DBN1: variants seen among roughly 807,000 people sequenced by gnomAD.
DBN1 encodes drebrin.
Under a neutral mutation model 83.5 loss-of-function variants are expected in DBN1, and 21 were observed. The ratio of observed to expected loss-of-function variants is 0.25; its 90% CI spans 0.18 to 0.36. The LOEUF (loss-of-function observed/expected upper bound fraction) is 0.36. DBN1 is among the 10% of genes least tolerant of loss of function. DBN1 has a pLI of 1.00. For missense variants in DBN1, 874 were observed against 935.7 expected (o/e 0.93, Z 0.86); for synonymous variants, 381 against 384.9 (o/e 0.99, Z 0.12).
chr5:177,467,099 C>A lies in DBN1; in HGVS notation c.556-37G>T. 6.2e-7 allele frequency: 1 copy of A among 1,612,674 alleles called. No homozygotes were observed. Among genetic ancestry groups the A allele is most frequent in the East Asian group, 2.2e-5 (1 of 44,866 alleles). On this transcript the variant is annotated intron_variant, in intron 6 of 14. Transcript: ENST00000393565. The surrounding 1 kb of genome is among the most constrained non-coding windows in gnomAD (Gnocchi z 9.1). ...GGTGCGAACAAGGGTAGGCCCCGAG[C>A]CTAGGCGCCTGGACCCTGCCCCTCC...
chr5:177,457,937 C>T (rs1483708885), intron 13 of DBN1, 121 bp downstream of exon 13: 1 of 1,442,248 alleles, frequency 6.9e-7, no homozygotes, highest in African/African-American at 1.4e-5. Flanking sequence ...GATGGACTTC[C>T]CCTCAAATAA....
Position 177,458,680 on chromosome 5 carries a change from T to C in DBN1, c.1292A>G (p.Asp431Gly). The change falls in exon 13 of 15, where the codon GAC becomes GGC. Residue 431 changes from aspartate (D) to glycine (G), a missense_variant. Around this residue, in one of 4 missense-constraint regions of DBN1, gnomAD observed 725 missense variants for 719.7 expected, o/e 1.01. Transcript: ENST00000393565. ...QETQEPSPIL[D>G]SEETRAAAPQ... ...GGCTGCTGCTCTGGTCTCCTCACTG[T>C]CTAGGATGGGGCTGGGCTCCTGGGT... is the stretch of plus-strand genomic sequence containing the variant. 6.5e-7 allele frequency: 1 copy of C among 1,546,520 alleles called. No homozygotes were observed. Among genetic ancestry groups the C allele is most frequent in the Non-Finnish European group, 8.7e-7 (1 of 1,150,902 alleles).
Position 177,466,209 on chromosome 5 carries a change from T to G in DBN1, c.771+563A>C, listed in dbSNP as rs1757432082. 6.6e-6 allele frequency among the ~76,000 whole-genome samples: 1 copy of G among 152,172 alleles called. No individual in the cohort carries two copies. The highest frequency in any genetic ancestry group is 1.5e-5 in the Non-Finnish European group (1 of 68,036). On this transcript the variant is annotated intron_variant, in intron 8 of 14. Transcript: ENST00000393565. The surrounding 1 kb of genome is among the most constrained non-coding windows in gnomAD (Gnocchi z 4.8). ...AGCCATGCTCAGTCCTGAATGACAT[T>G]AGCTATTTCCAAAATACTAAATTCA...
In DBN1 at chr5:177,467,985, C is replaced by T. The variant is rs917615821; in HGVS notation, c.255+123G>A. On this transcript the variant is annotated intron_variant, in intron 3 of 14. Coordinates refer to ENST00000393565, the MANE Select transcript of DBN1 (RefSeq NM_001363541.2). This position sits in a 1 kb window ranked among gnomAD's most constrained non-coding sequence, Gnocchi z 9.1. ...GGCCTTCAGTTCCCTTCCCCAGCCC[C>T]GGCCGCATACCCAGTTGATGAGCAG... 1 of 1,093,968 alleles carries T rather than the reference C, an allele frequency of 9.1e-7. No homozygotes were observed. The highest frequency in any genetic ancestry group is 1.4e-6 in the Non-Finnish European group (1 of 731,772). 67.8% of individuals were successfully genotyped at this position (1,093,968 alleles called of 1,614,324 possible).
intron 8 of DBN1, among the ~76,000 whole-genome samples, chr5:177,463,015 A>G (rs1338049892): frequency 6.6e-6 from 1 of 151,786 alleles, no homozygotes; most frequent in Admixed American, 6.6e-5. Context: ...TTGTTCAAAG[A>G]AAGGACCAGA....
At chr5:177,472,659 T>C in intron 1 of DBN1, 2 of 524,006 alleles carry the variant, frequency 3.8e-6, no homozygotes, top group South Asian at 3.5e-5. Context: ...CCCTCCACAC[T>C]TGTTCTCCAG....
chr5:177,468,671 C>T (rs1048008237), intron 2 of DBN1, 173 bp downstream of exon 2: 1 of 444,864 alleles, frequency 2.2e-6, no homozygotes, highest in Non-Finnish European at 4.0e-6. Context: ...TCTGAGATTC[C>T]TCCCCACCCT....
At chr5:177,459,300 G>A (rs1349656769) in intron 11 of DBN1, 32 bp from the exon 12 acceptor site, 14 of 1,593,674 alleles carry the variant, frequency 8.8e-6, no homozygotes, top group Admixed American at 1.7e-5. Flanking sequence ...GGTCAGTGAG[G>A]GCGGGGGAGC....
Position 177,458,242 on chromosome 5 carries a change from A to C in DBN1, c.1730T>G (p.Leu577Arg). The C allele has an allele frequency of 6.2e-7, 1 of 1,613,634 alleles. No homozygotes were observed. Among genetic ancestry groups the C allele is most frequent in the Non-Finnish European group, 8.5e-7 (1 of 1,179,982 alleles). The change falls in exon 13 of 15, where the codon CTC becomes CGC. Residue 577 changes from leucine (L) to arginine (R), a missense_variant. By Grantham distance (102) the Leu-to-Arg change is moderately radical. Around this residue, in one of 4 missense-constraint regions of DBN1, gnomAD observed 725 missense variants for 719.7 expected, o/e 1.01. Transcript: ENST00000393565. ...CGGCTCAGGCAGCTCATCAAAGTTGAGAAGGGTGGCACAGCCTTCGCCTGC... is the reference window on the plus strand; with the variant it reads ...CGGCTCAGGCAGCTCATCAAAGTTGCGAAGGGTGGCACAGCCTTCGCCTGC... ...LPAGEGCATL[L>R]NFDELPEPPA...
intron 8 of DBN1, among the ~76,000 whole-genome samples, chr5:177,464,603 CAATA>C (rs58012739): frequency 0.41 from 56,411 of 137,888 alleles, 11,939 homozygotes; most frequent in Non-Finnish European, 0.49. Context: ...ACTAAAAAGA[CAATA>C]AATAAATAAA....
chr5:177,473,631 T>G lies in DBN1; in HGVS notation c.-110A>C. On this transcript the variant is annotated 5_prime_UTR_variant, in exon 1 of 15. Coordinates refer to ENST00000393565, the MANE Select transcript of DBN1 (RefSeq NM_001363541.2). ...CCGCCGCCTCGGAGCCTCTGCAGCG[T>G]CGCGAGCCGAGCGAGCCAGCGGCCG... 8.4e-6 allele frequency: 2 copies of G among 237,234 alleles called. No homozygotes were observed. Among genetic ancestry groups the G allele is most frequent in the Non-Finnish European group, 1.3e-5 (2 of 156,964 alleles). 14.7% of individuals were successfully genotyped at this position (237,234 alleles called of 1,614,324 possible). A position where few individuals can be genotyped will look rare whatever the true frequency, so the allele number is the denominator to read the frequency against.
At chr5:177,463,144 C>T (rs1471797496) in intron 8 of DBN1, among the ~76,000 whole-genome samples, 1 of 152,142 alleles carries the variant, frequency 6.6e-6, no homozygotes, top group Admixed American at 6.5e-5. Flanking sequence ...TCACGCCATT[C>T]TCCTGCCTCA....
intron 8 of DBN1, among the ~76,000 whole-genome samples, chr5:177,464,256 A>G (rs1235852756): frequency 2.9e-5 from 4 of 139,978 alleles, no homozygotes; most frequent in East Asian, 4.4e-4. Context: ...GACCAGCCTG[A>G]CCAACACGGT....
intron 8 of DBN1, among the ~76,000 whole-genome samples, chr5:177,464,952 A>G (rs1217844467): frequency 6.6e-6 from 1 of 152,134 alleles, no homozygotes; most frequent in East Asian, 1.9e-4. Flanking sequence ...CAGGAGATCG[A>G]GACCACCCTG....
chr5:177,458,513 C>T lies in DBN1; in HGVS notation c.1459G>A (p.Ala487Thr), dbSNP rs756618999. 3 of 1,613,828 alleles carry T rather than the reference C, an allele frequency of 1.9e-6. No homozygotes were observed. Among genetic ancestry groups the T allele is most frequent in the Non-Finnish European group, 1.7e-6 (2 of 1,179,662 alleles). ...VLAAPVEPAT[A>T]DATEIHDAAD... ...GCATCGTGGATCTCCGTGGCGTCAGCTGTGGCAGGCTCCACGGGAGCAGCC... is the reference window on the plus strand; with the variant it reads ...GCATCGTGGATCTCCGTGGCGTCAGTTGTGGCAGGCTCCACGGGAGCAGCC... Residue 487 changes from alanine to threonine, a missense_variant, in exon 13 of 15, where the codon GCT (alanine) becomes ACT (threonine). By Grantham distance (58) the Ala-to-Thr change is moderately conservative (BLOSUM62 0). Transcript: ENST00000393565.
chr5:177,458,978 G>A, intron 12 of DBN1, 120 bp downstream of exon 12: 4 of 1,485,474 alleles, frequency 2.7e-6, no homozygotes, highest in Non-Finnish European at 1.8e-6. Flanking sequence ...CGCCTCCAGG[G>A]CAGTGCAGTC....
chr5:177,467,852 G>A lies in DBN1; in HGVS notation c.256-35C>T, dbSNP rs1428444553. ...ACCCAGCAAAGAGGGGGTCAGGAAAGGACAAGGGGGGCCCTACACGATAGG... is the reference window on the plus strand; with the variant it reads ...ACCCAGCAAAGAGGGGGTCAGGAAAAGACAAGGGGGGCCCTACACGATAGG... On this transcript the variant is annotated intron_variant, in intron 3 of 14. Coordinates refer to ENST00000393565, the MANE Select transcript of DBN1 (RefSeq NM_001363541.2). The surrounding 1 kb of genome is among the most constrained non-coding windows in gnomAD (Gnocchi z 9.1). The A allele has an allele frequency of 3.2e-6, 5 of 1,579,150 alleles. No homozygotes were observed.
chr5:177,472,191 TGCCATGGATGCCCA>T, intron 1 of DBN1: 1 of 1,613,738 alleles, frequency 6.2e-7, no homozygotes, highest in Non-Finnish European at 8.5e-7. Context: ...TGCAGTACCA[TGCCATGGATGCCCA>T]GCCATCTCAT....
chr5:177,460,640 T>C lies in DBN1; in HGVS notation c.831+4A>G. Reference sequence around the variant, plus strand: ...CTCACCTGGCTGGTGCCCCCAGCTCTCACCTCCACCTCCGACTCTGACTTC... The same window carrying C: ...CTCACCTGGCTGGTGCCCCCAGCTCCCACCTCCACCTCCGACTCTGACTTC... On this transcript the variant is annotated splice_donor_region_variant and intron_variant, in intron 9 of 14. Coordinates refer to ENST00000393565, the MANE Select transcript of DBN1 (RefSeq NM_001363541.2). The C allele has an allele frequency of 6.2e-7, 1 of 1,614,176 alleles. No individual in the cohort carries two copies. The highest frequency in any genetic ancestry group is 8.5e-7 in the Non-Finnish European group (1 of 1,180,014).
Sources: allele counts gnomAD v4.1 joint callset (sites outside exome capture counted in the v4.1 genomes callset), GRCh38; gene constraint gnomAD v4.1.1; regional missense constraint gnomAD v4.1.1; non-coding constraint Gnocchi (gnomAD v3.1); transcripts MANE v1.5; gene names NCBI Gene and HGNC (gene_info 2026-07-23, HGNC 2026-07-21).